The following SLC9C1 variants were observed in gnomAD, a reference collection of about 807,000 sequenced individuals.
The protein encoded by SLC9C1 is solute carrier family 9 member C1.
SLC9C1 carries 97 observed loss-of-function variants against 140.9 expected under a neutral mutation model. The observed-to-expected ratio is 0.69, with a 90% CI of 0.58 to 0.82. The LOEUF is 0.82. SLC9C1 is among the 40% of genes least tolerant of loss of function. The pLI is 0.00. For synonymous variants in SLC9C1, 440 were observed against 442.6 expected (o/e 0.99, Z 0.07); for missense variants, 1,340 against 1,389.3 (o/e 0.96, Z 0.56).
chr3:112,277,467 C>T (rs2080245202), intron 5 of SLC9C1, among the ~76,000 whole-genome samples: 1 of 152,020 alleles, frequency 6.6e-6, no homozygotes, highest in South Asian at 2.1e-4. Context: ...ATCCCCTCCC[C>T]TATTCCACAA....
At chr3:112,274,832 A>G in intron 6 of SLC9C1, 65 bp downstream of exon 6, 1 of 1,340,764 alleles carries the variant, frequency 7.5e-7, no homozygotes. Context: ...ATTACAAAAT[A>G]CACATCAGCT....
At chr3:112,147,359 T>C (rs1576197943) in intron 28 of SLC9C1, 1 of 179,480 alleles carries the variant, frequency 5.6e-6, no homozygotes, top group East Asian at 1.8e-4. Context: ...CAGTTTCTGT[T>C]GTGTTTTTGT....
At chr3:112,160,472 A>T (rs1238026000) in intron 26 of SLC9C1, among the ~76,000 whole-genome samples, 2 of 134,412 alleles carry the variant, frequency 1.5e-5, no homozygotes, top group Non-Finnish European at 3.0e-5. Context: ...TCCTGTGTCC[A>T]TGTGATCTCA....
chr3:112,149,667 G>T (rs76599934), intron 28 of SLC9C1, among the ~76,000 whole-genome samples: 1 of 151,852 alleles, frequency 6.6e-6, no homozygotes, highest in Non-Finnish European at 1.5e-5. Flanking sequence ...ATGCCTGGAG[G>T]TCTGCCTGGG....
chr3:112,254,693 A>G (rs962111794), intron 10 of SLC9C1, among the ~76,000 whole-genome samples: 1 of 152,152 alleles, frequency 6.6e-6, no homozygotes, highest in Non-Finnish European at 1.5e-5. Flanking sequence ...ACAAACTGAC[A>G]TAATAACCAG....
At chr3:112,218,713 G>A (rs908985982) in intron 14 of SLC9C1, among the ~76,000 whole-genome samples, 12 of 152,140 alleles carry the variant, frequency 7.9e-5, no homozygotes, top group East Asian at 3.8e-4. Context: ...GTAAAACGTG[G>A]TAAGTGTTGC....
intron 23 of SLC9C1, among the ~76,000 whole-genome samples, chr3:112,175,979 T>G (rs2077329490): frequency 6.6e-6 from 1 of 152,222 alleles, no homozygotes; most frequent in South Asian, 2.1e-4. Flanking sequence ...TCCCCTGGAT[T>G]CAGTCCCTTT....
intron 26 of SLC9C1, among the ~76,000 whole-genome samples, chr3:112,159,237 T>A (rs1281497851): frequency 6.6e-6 from 1 of 152,008 alleles, no homozygotes; most frequent in Admixed American, 6.6e-5. Context: ...AAATGTTTCC[T>A]TTAATTTCTA....
chr3:112,219,966 C>A (rs768715363), intron 14 of SLC9C1, among the ~76,000 whole-genome samples: 1 of 152,128 alleles, frequency 6.6e-6, no homozygotes. Flanking sequence ...ACAATGTGCA[C>A]CTTTCTTCTT....
chr3:112,174,879 A>C (rs2077307704), intron 23 of SLC9C1, among the ~76,000 whole-genome samples: 1 of 76,302 alleles, frequency 1.3e-5, no homozygotes. Flanking sequence ...AGCCCTGCCC[A>C]GTGAGGAAAA....
intron 1 of SLC9C1, 42 bp from the exon 2 acceptor site, chr3:112,286,920 A>T: frequency 1.3e-5 from 7 of 529,384 alleles, no homozygotes; most frequent in African/African-American, 2.0e-5. Flanking sequence ...CCTTCTAATA[A>T]TTTTCTAAAA....
At chr3:112,229,587 CA>C in intron 13 of SLC9C1, among the ~76,000 whole-genome samples, 1 of 151,576 alleles carries the variant, frequency 6.6e-6, no homozygotes. Context: ...GATTATCAAG[CA>C]AAAGGGTGTA....
At chr3:112,189,370 A>G (rs1007197631) in intron 20 of SLC9C1, among the ~76,000 whole-genome samples, 4 of 152,174 alleles carry the variant, frequency 2.6e-5, no homozygotes, top group Admixed American at 2.6e-4. Flanking sequence ...TAGGTCTAAC[A>G]TTTAAGTCTT....
At chr3:112,234,503 T>C (rs1250904802) in intron 12 of SLC9C1, among the ~76,000 whole-genome samples, 2 of 152,234 alleles carry the variant, frequency 1.3e-5, no homozygotes, top group Non-Finnish European at 2.9e-5. Flanking sequence ...TTGTCAATTT[T>C]GGCTTTTGTT....
At chr3:112,204,487 T>G in intron 16 of SLC9C1, 84 bp from the exon 17 acceptor site, 2 of 1,412,874 alleles carry the variant, frequency 1.4e-6, no homozygotes, top group Non-Finnish European at 1.9e-6. Context: ...AACATCATGT[T>G]AGGCTTTTCT....
chr3:112,231,060 A>T (rs1360137376), intron 13 of SLC9C1, among the ~76,000 whole-genome samples: 1 of 151,984 alleles, frequency 6.6e-6, no homozygotes, highest in Non-Finnish European at 1.5e-5. Flanking sequence ...TTCATAAATA[A>T]ATCACTCTTT....
chr3:112,173,441 C>G (rs1189789918), intron 23 of SLC9C1, among the ~76,000 whole-genome samples: 1 of 152,188 alleles, frequency 6.6e-6, no homozygotes, highest in African/African-American at 2.4e-5. Flanking sequence ...CTACACTCCA[C>G]TCTCAAGTAG....
intron 17 of SLC9C1, among the ~76,000 whole-genome samples, chr3:112,202,787 G>C (rs1365881369): frequency 6.6e-6 from 1 of 151,836 alleles, no homozygotes; most frequent in Non-Finnish European, 1.5e-5. Context: ...CCTCCTACTT[G>C]ATGGTCTGGT....
chr3:112,188,564 C>T (rs191934707), intron 20 of SLC9C1, among the ~76,000 whole-genome samples: 181 of 152,290 alleles, frequency 1.2e-3, no homozygotes, highest in Admixed American at 2.4e-3. Context: ...AGGACATGAA[C>T]TCATCCTTTT....
Sources: allele counts gnomAD v4.1 joint callset (sites outside exome capture counted in the v4.1 genomes callset), GRCh38; gene constraint gnomAD v4.1.1; transcripts MANE v1.5; gene names NCBI Gene and HGNC (gene_info 2026-07-23, HGNC 2026-07-21).